Variants in GRIA4 observed in about 807,000 individuals in gnomAD.
The protein encoded by GRIA4 is glutamate ionotropic receptor AMPA type subunit 4, also known as glutamate receptor 4.
GRIA4 carries 34 observed loss-of-function variants against 104.0 expected under a neutral mutation model. The observed-to-expected ratio is 0.33, with a 90% CI of 0.25 to 0.44. The LOEUF (loss-of-function observed/expected upper bound fraction) is 0.44, where lower values mean the gene tolerates loss of function less well. GRIA4 is among the 20% of genes least tolerant of loss of function. The pLI is 1.00. For missense variants in GRIA4, 750 were observed against 1,096.5 expected (o/e 0.68, Z 4.46); for synonymous variants, 386 against 381.9 (o/e 1.01, Z -0.13).
At chr11:105,974,215 C>A (rs888731247) in intron 15 of GRIA4, 95 bp from the exon 16 acceptor site, 7 of 1,180,740 alleles carry the variant, frequency 5.9e-6, no homozygotes, top group African/African-American at 1.5e-5. Context: ...TTAAATTAAG[C>A]ATTTACTTTC....
At chr11:105,852,225 G>T (rs1337443709) in intron 4 of GRIA4, among the ~76,000 whole-genome samples, 1 of 152,140 alleles carries the variant, frequency 6.6e-6, no homozygotes, top group Non-Finnish European at 1.5e-5. Flanking sequence ...TTCGTTTGGA[G>T]GGAGTGTGGG....
At chr11:105,978,780 A>G (rs1314801247) in intron 16 of GRIA4, among the ~76,000 whole-genome samples, 5 of 152,208 alleles carry the variant, frequency 3.3e-5, no homozygotes, top group Non-Finnish European at 5.9e-5. Flanking sequence ...GTGAATGAAC[A>G]GTAATGAGAC....
chr11:105,730,967 G>C (rs1938549584), intron 3 of GRIA4, among the ~76,000 whole-genome samples: 1 of 152,110 alleles, frequency 6.6e-6, no homozygotes, highest in African/African-American at 2.4e-5. Flanking sequence ...ACAGGCCTGG[G>C]CAAAGACTTC....
chr11:105,749,666 C>T (rs1202483128), intron 3 of GRIA4, among the ~76,000 whole-genome samples: 1 of 152,012 alleles, frequency 6.6e-6, no homozygotes, highest in East Asian at 1.9e-4. Context: ...AAGGTGGCAT[C>T]TGGAATGAAA....
At chr11:105,654,651 C>T (rs1337117378) in intron 3 of GRIA4, among the ~76,000 whole-genome samples, 1 of 152,100 alleles carries the variant, frequency 6.6e-6, no homozygotes, top group African/African-American at 2.4e-5. Context: ...CTCACAACAG[C>T]TACACCAACA....
intron 14 of GRIA4, among the ~76,000 whole-genome samples, chr11:105,965,172 A>G (rs1948835874): frequency 6.6e-6 from 1 of 152,018 alleles, no homozygotes; most frequent in African/African-American, 2.4e-5. Flanking sequence ...CCCTTTAGAG[A>G]AAAACATGGA....
chr11:105,692,768 T>C (rs541134483), intron 3 of GRIA4, among the ~76,000 whole-genome samples: 1 of 152,322 alleles, frequency 6.6e-6, no homozygotes, highest in Non-Finnish European at 1.5e-5. Flanking sequence ...ACACATAAAC[T>C]GGGTAATTTT....
chr11:105,874,626 T>A (rs1945747598), intron 5 of GRIA4, among the ~76,000 whole-genome samples: 1 of 152,160 alleles, frequency 6.6e-6, no homozygotes. Flanking sequence ...CTTGAAGAGG[T>A]CCTTCATATC....
At chr11:105,868,096 C>T (rs142308896) in intron 5 of GRIA4, among the ~76,000 whole-genome samples, 147 of 152,090 alleles carry the variant, frequency 9.7e-4, no homozygotes, top group African/African-American at 3.2e-3. Context: ...AGAGATATTA[C>T]AAAAATGTAT....
At chr11:105,819,918 G>A (rs1034956020) in intron 4 of GRIA4, among the ~76,000 whole-genome samples, 1 of 152,030 alleles carries the variant, frequency 6.6e-6, no homozygotes, top group Non-Finnish European at 1.5e-5. Context: ...CTAACCCAGT[G>A]TGACTAGTAT....
At chr11:105,808,680 T>A (rs943798519) in intron 4 of GRIA4, among the ~76,000 whole-genome samples, 1 of 152,084 alleles carries the variant, frequency 6.6e-6, no homozygotes, top group African/African-American at 2.4e-5. Flanking sequence ...TAAGTCCATC[T>A]TCTCCCTAAA....
chr11:105,653,284 C>A (rs183580875), intron 3 of GRIA4, among the ~76,000 whole-genome samples: 1 of 152,304 alleles, frequency 6.6e-6, no homozygotes, highest in East Asian at 1.9e-4. Context: ...TTCTCTTTCA[C>A]ATGAATTGCC....
rs73627607 is a variant in GRIA4 at position 105,648,088 on chromosome 11, T to A, written c.247+35654T>A. On this transcript the variant is annotated intron_variant, in intron 3 of 16. Transcript: ENST00000282499. ...TATAAAAATAATATCAAATTATATA[T>A]AACTCACTGTTACAAAAATGTGTTT... 9.4e-3 allele frequency among the ~76,000 whole-genome samples: 1,432 copies of A among 152,114 alleles called. 35 individuals carry two copies. The highest frequency in any genetic ancestry group is 0.033 in the African/African-American group (1,352 of 41,540).
intron 6 of GRIA4, among the ~76,000 whole-genome samples, chr11:105,888,970 A>G (rs1015967455): frequency 7.9e-5 from 12 of 152,126 alleles, no homozygotes; most frequent in African/African-American, 2.9e-4. Flanking sequence ...ATATTCTGAT[A>G]TTAATTACTA....
chr11:105,922,173 G>A (rs1947583047), intron 11 of GRIA4, among the ~76,000 whole-genome samples: 1 of 151,974 alleles, frequency 6.6e-6, no homozygotes, highest in Non-Finnish European at 1.5e-5. Context: ...GGAAAAGTGG[G>A]GGCAGATTAT....
At chr11:105,905,425 TA>T (rs1947010001) in intron 9 of GRIA4, 124 bp downstream of exon 9, 1 of 600,072 alleles carries the variant, frequency 1.7e-6, no homozygotes, top group Non-Finnish European at 3.0e-6. Flanking sequence ...ACAAATACTT[TA>T]GTACTTTCTT....
chr11:105,622,161 T>G (rs1318862184), intron 3 of GRIA4, among the ~76,000 whole-genome samples: 1 of 151,912 alleles, frequency 6.6e-6, no homozygotes, highest in Non-Finnish European at 1.5e-5. Flanking sequence ...AATTTTTGTT[T>G]AGTCAAACTT....
chr11:105,815,051 T>C (rs1943322548), intron 4 of GRIA4, among the ~76,000 whole-genome samples: 1 of 151,930 alleles, frequency 6.6e-6, no homozygotes, highest in South Asian at 2.1e-4. Flanking sequence ...TTTCCTAGAG[T>C]GGAAATGCAG....
At chr11:105,673,810 C>T (rs1952450138) in intron 3 of GRIA4, among the ~76,000 whole-genome samples, 1 of 151,842 alleles carries the variant, frequency 6.6e-6, no homozygotes, top group South Asian at 2.1e-4. Context: ...ATATTTAAAA[C>T]ACAAAATGTA....
Sources: allele counts gnomAD v4.1 joint callset (sites outside exome capture counted in the v4.1 genomes callset), GRCh38; gene constraint gnomAD v4.1.1; transcripts MANE v1.5; gene names NCBI Gene and HGNC (gene_info 2026-07-23, HGNC 2026-07-21).